Variants in PPP2R5E observed in about 807,000 individuals in gnomAD.
PPP2R5E encodes the protein protein phosphatase 2 regulatory subunit B'epsilon.
Under a neutral mutation model 65.3 loss-of-function variants are expected in PPP2R5E, and 4 were observed. The ratio of observed to expected loss-of-function variants is 0.06; its 90% CI spans 0.03 to 0.14. PPP2R5E has a LOEUF of 0.14. Among genes scored for constraint, PPP2R5E ranks in the 10% least tolerant of loss-of-function variants. PPP2R5E has a pLI of 1.00. For missense variants in PPP2R5E, 274 were observed against 556.1 expected (o/e 0.49, Z 5.10); for synonymous variants, 183 against 187.4 (o/e 0.98, Z 0.19).
rs1027458776 is a variant in PPP2R5E at position 63,372,176 on chromosome 14, T to C, written c.*3833A>G. The C allele has an allele frequency of 7.2e-5, 11 of 152,076 alleles. No homozygotes were observed. Among genetic ancestry groups the C allele is most frequent in the African/African-American group, 2.4e-4 (10 of 41,432 alleles). The allele number at this position is 152,076 out of a possible 1,614,324, so 9.4% of individuals were successfully genotyped here. A position where few individuals can be genotyped will look rare whatever the true frequency, so the allele number is the denominator to read the frequency against. On this transcript the variant is annotated 3_prime_UTR_variant, in exon 14 of 14. Transcript: ENST00000337537. ...AGACATCATAATATGGGATGTTTAT[T>C]TCCAAGAGAGATACTACTGCTGCTA...
chr14:63,489,806 A>T (rs1891197742), intron 2 of PPP2R5E, among the ~76,000 whole-genome samples: 1 of 152,072 alleles, frequency 6.6e-6, no homozygotes, highest in Non-Finnish European at 1.5e-5. Context: ...AGTACAAGTC[A>T]TCTTCCTTTT....
chr14:63,395,317 G>A (rs763144925), intron 6 of PPP2R5E, 32 bp from the exon 7 acceptor site: 1 of 1,468,438 alleles, frequency 6.8e-7, no homozygotes. Flanking sequence ...GAGGAGAAAG[G>A]AGGAGAGGAG....
At chr14:63,412,262 G>T (rs1886432686) in intron 5 of PPP2R5E, among the ~76,000 whole-genome samples, 1 of 152,200 alleles carries the variant, frequency 6.6e-6, no homozygotes. Flanking sequence ...AACATAGCAA[G>T]ACCCTGTTTG....
chr14:63,472,834 C>T (rs1890198477), intron 2 of PPP2R5E, among the ~76,000 whole-genome samples: 1 of 152,212 alleles, frequency 6.6e-6, no homozygotes, highest in South Asian at 2.1e-4. Context: ...AAGGACTTTA[C>T]AAACTGCAGG....
intron 7 of PPP2R5E, among the ~76,000 whole-genome samples, chr14:63,394,573 G>C (rs569814851): frequency 1.3e-5 from 2 of 152,022 alleles, no homozygotes; most frequent in Admixed American, 6.5e-5. Context: ...CGCCTTGCTT[G>C]CTTCCGCCTT....
In PPP2R5E at chr14:63,543,268, C is replaced by CT; in HGVS notation, c.-498dup. ...CTGGAGCCGCCGCTGCCAGAGCCACCTTTCGCTACCCGCGGTGGGTCCCAG... is the reference window on the plus strand; with the variant it reads ...CTGGAGCCGCCGCTGCCAGAGCCACCTTTTCGCTACCCGCGGTGGGTCCCAG... On this transcript the variant is annotated 5_prime_UTR_variant, in exon 1 of 14. Coordinates refer to ENST00000337537, the MANE Select transcript of PPP2R5E (RefSeq NM_006246.5). The CT allele has an allele frequency of 6.5e-6, 1 of 153,698 alleles. No individual in the cohort carries two copies. Among genetic ancestry groups the CT allele is most frequent in the South Asian group, 2.1e-4 (1 of 4,858 alleles). The allele number at this position is 153,698 out of a possible 1,614,324, so 9.5% of individuals were successfully genotyped here. A position where few individuals can be genotyped will look rare whatever the true frequency, so the allele number is the denominator to read the frequency against.
At chr14:63,410,555 G>T (rs953886381) in intron 5 of PPP2R5E, among the ~76,000 whole-genome samples, 1 of 152,128 alleles carries the variant, frequency 6.6e-6, no homozygotes, top group Non-Finnish European at 1.5e-5. Context: ...CCACTCCCCA[G>T]CAGAACCAAA....
intron 2 of PPP2R5E, among the ~76,000 whole-genome samples, chr14:63,529,945 T>C (rs1893343557): frequency 6.6e-6 from 1 of 152,162 alleles, no homozygotes; most frequent in Non-Finnish European, 1.5e-5. Flanking sequence ...GGTAGATGCA[T>C]ATGTGCACAC....
chr14:63,442,620 G>A (rs7146069), intron 3 of PPP2R5E, among the ~76,000 whole-genome samples: 53,653 of 152,026 alleles, frequency 0.35, 12,831 homozygotes, highest in African/African-American at 0.68. Flanking sequence ...CCACATTTAC[G>A]TAACTTTTAC....
intron 2 of PPP2R5E, among the ~76,000 whole-genome samples, chr14:63,522,689 G>A (rs1388632028): frequency 6.9e-6 from 1 of 145,796 alleles, no homozygotes; most frequent in Non-Finnish European, 1.5e-5. Flanking sequence ...CCGTCTGGGA[G>A]GAGAGGAGCG....
intron 2 of PPP2R5E, among the ~76,000 whole-genome samples, chr14:63,485,199 A>G (rs1034721696): frequency 2.1e-5 from 3 of 141,476 alleles, no homozygotes; most frequent in Non-Finnish European, 3.0e-5. Flanking sequence ...ACTCATTTAA[A>G]AAAAAAAAAA....
At chr14:63,488,851 A>G (rs1270013139) in intron 2 of PPP2R5E, among the ~76,000 whole-genome samples, 1 of 151,596 alleles carries the variant, frequency 6.6e-6, no homozygotes, top group Non-Finnish European at 1.5e-5. Flanking sequence ...TCCATCTTAA[A>G]TAAATAAATT....
At chr14:63,457,991 T>C (rs1156820810) in intron 2 of PPP2R5E, among the ~76,000 whole-genome samples, 3 of 152,228 alleles carry the variant, frequency 2.0e-5, no homozygotes, top group African/African-American at 7.2e-5. Flanking sequence ...TATGTCTTTA[T>C]ATCACCGTCT....
chr14:63,401,101 G>GT (rs1885728125), intron 5 of PPP2R5E, among the ~76,000 whole-genome samples: 1 of 152,150 alleles, frequency 6.6e-6, no homozygotes, highest in African/African-American at 2.4e-5. Flanking sequence ...AATATTAAAT[G>GT]TATCATATTC....
rs779695478 is a variant in PPP2R5E, at chr14:63,539,539, C to T, written c.147G>A (p.Pro49=). The T allele has an allele frequency of 5.6e-6, 9 of 1,613,512 alleles. No homozygotes were observed. Among genetic ancestry groups the T allele is most frequent in the African/African-American group, 2.7e-5 (2 of 74,902 alleles). The part of the protein sequence containing the change: ...QGKPIELTPL[P]LLKDVPSSEQ... ...GGTCATGAGCCTTACCTTTTAGCAG[C>T]GGCAGAGGTGTTAACTCAATAGGCT... Residue 49 remains proline (P), a synonymous_variant, in exon 2 of 14, where the codon CCG becomes CCA. Coordinates refer to ENST00000337537, the MANE Select transcript of PPP2R5E (RefSeq NM_006246.5).
chr14:63,485,906 T>C (rs1453354138), intron 2 of PPP2R5E, among the ~76,000 whole-genome samples: 1 of 148,860 alleles, frequency 6.7e-6, no homozygotes, highest in Non-Finnish European at 1.5e-5. Flanking sequence ...CTCAGCTCAC[T>C]GTAACCTCTA....
chr14:63,397,817 G>A (rs1053444578), intron 5 of PPP2R5E, among the ~76,000 whole-genome samples: 1 of 150,574 alleles, frequency 6.6e-6, no homozygotes, highest in African/African-American at 2.4e-5. Context: ...TCCGCCTCCT[G>A]TGTTCAAGCA....
intron 2 of PPP2R5E, among the ~76,000 whole-genome samples, chr14:63,520,009 C>G: frequency 6.6e-6 from 1 of 151,226 alleles, no homozygotes; most frequent in East Asian, 2.0e-4. Flanking sequence ...CCCAGAAAAC[C>G]TTAATAGCCC....
intron 2 of PPP2R5E, among the ~76,000 whole-genome samples, chr14:63,514,579 G>A (rs1359791300): frequency 6.6e-6 from 1 of 151,892 alleles, no homozygotes. Context: ...TGAGTAAGAA[G>A]CGATACTATA....
Sources: allele counts gnomAD v4.1 joint callset (sites outside exome capture counted in the v4.1 genomes callset), GRCh38; gene constraint gnomAD v4.1.1; transcripts MANE v1.5; gene names NCBI Gene and HGNC (gene_info 2026-07-23, HGNC 2026-07-21).